The following GPHN variants were observed in gnomAD, a reference collection of about 807,000 sequenced individuals.
GPHN encodes the protein gephyrin.
In GPHN, 17 loss-of-function variants were observed where a neutral mutation model predicts 95.5. That is an observed-to-expected ratio of 0.18 (90% CI 0.12 to 0.27). The LOEUF (loss-of-function observed/expected upper bound fraction) is 0.27, where lower values mean the gene tolerates loss of function less well. Ranked by LOEUF, GPHN falls within the 10% of genes least tolerant of loss-of-function variation. The pLI is 1.00. For missense variants in GPHN, 660 were observed against 978.1 expected (o/e 0.67, Z 4.34); for synonymous variants, 320 against 322.5 (o/e 0.99, Z 0.08).
At chr14:66,820,938 A>C (rs1228199932) in intron 3 of GPHN, among the ~76,000 whole-genome samples, 1 of 152,206 alleles carries the variant, frequency 6.6e-6, no homozygotes, top group Non-Finnish European at 1.5e-5. Context: ...CTAGAAATGC[A>C]AGGCAATAAT....
At chr14:66,863,488 C>A (rs956772705) in intron 4 of GPHN, among the ~76,000 whole-genome samples, 1 of 151,868 alleles carries the variant, frequency 6.6e-6, no homozygotes, top group Non-Finnish European at 1.5e-5. Context: ...TATCAGGAAC[C>A]GCAAAAGACC....
the GPHN span, among the ~76,000 whole-genome samples, chr14:67,552,966 G>C: frequency 1.3e-5 from 2 of 152,142 alleles, no homozygotes; most frequent in Non-Finnish European, 2.9e-5. Flanking sequence ...GGGAAAAAAT[G>C]CTCGCTGTGT....
intron 10 of GPHN, among the ~76,000 whole-genome samples, chr14:67,032,755 C>G (rs1292487376): frequency 6.6e-6 from 1 of 152,116 alleles, no homozygotes; most frequent in Non-Finnish European, 1.5e-5. Context: ...CTCAGAATTT[C>G]TAGCCAGGTT....
intron 1 of GPHN, among the ~76,000 whole-genome samples, chr14:66,572,076 G>C (rs370820691): frequency 6.6e-6 from 1 of 152,156 alleles, no homozygotes; most frequent in Non-Finnish European, 1.5e-5. Context: ...AAAATCGGTT[G>C]ACTTATTTCT....
chr14:67,353,278 G>C, the GPHN span, among the ~76,000 whole-genome samples: 1 of 152,202 alleles, frequency 6.6e-6, no homozygotes, highest in Non-Finnish European at 1.5e-5. Flanking sequence ...ATCAAGAGAT[G>C]ACTGGGTCAT....
chr14:67,283,095 T>C, the GPHN span, among the ~76,000 whole-genome samples: 2 of 152,112 alleles, frequency 1.3e-5, no homozygotes, highest in Admixed American at 1.3e-4. Flanking sequence ...TAGTGGTTAA[T>C]AAAAAGACTC....
chr14:67,493,749 C>G, the GPHN span, among the ~76,000 whole-genome samples: 2 of 152,078 alleles, frequency 1.3e-5, no homozygotes, highest in Non-Finnish European at 2.9e-5. Context: ...TCCTGAGATT[C>G]TTGTTGGAAT....
intron 10 of GPHN, among the ~76,000 whole-genome samples, chr14:67,029,150 C>T (rs532287194): frequency 1.3e-5 from 2 of 152,152 alleles, no homozygotes; most frequent in Non-Finnish European, 2.9e-5. Flanking sequence ...TTCCTGATGC[C>T]TTTGTCAAAA....
chr14:66,685,696 T>C (rs1388922852), intron 2 of GPHN, among the ~76,000 whole-genome samples: 2 of 152,148 alleles, frequency 1.3e-5, no homozygotes, highest in African/African-American at 2.4e-5. Context: ...ATTCTGTAGG[T>C]TGCCTGTTCA....
chr14:66,573,648 G>C (rs570521308), intron 1 of GPHN, among the ~76,000 whole-genome samples: 1 of 151,866 alleles, frequency 6.6e-6, no homozygotes, highest in Non-Finnish European at 1.5e-5. Flanking sequence ...GTAGAGACGG[G>C]GTTTCACCAT....
chr14:67,620,160 G>A, the GPHN span: 4 of 1,155,668 alleles, frequency 3.5e-6, no homozygotes, highest in Non-Finnish European at 4.9e-6. Flanking sequence ...CGGCGGTAGG[G>A]TGCGGGGGAC....
the GPHN span, among the ~76,000 whole-genome samples, chr14:67,476,500 T>C: frequency 3.3e-5 from 5 of 151,654 alleles, no homozygotes; most frequent in African/African-American, 9.7e-5. Flanking sequence ...GGCAGAAAAA[T>C]TGCTTGAACC....
At chr14:66,756,867 A>G (rs2058575634) in intron 2 of GPHN, among the ~76,000 whole-genome samples, 3 of 152,364 alleles carry the variant, frequency 2.0e-5, no homozygotes, top group Non-Finnish European at 4.4e-5. Context: ...TGAATCATGT[A>G]AAACAGAACA....
the GPHN span, among the ~76,000 whole-genome samples, chr14:67,639,893 C>G: frequency 7.0e-6 from 1 of 142,924 alleles, no homozygotes; most frequent in Non-Finnish European, 1.5e-5. Flanking sequence ...CCACTGCACT[C>G]CAGCCTGCAT....
At chr14:67,323,615 A>AATATATATATATAT in the GPHN span, 12 of 260,322 alleles carry the variant, frequency 4.6e-5, no homozygotes, top group Middle Eastern at 1.4e-3. Flanking sequence ...CCCTTAATCT[A>AATATATATATATAT]ATATATATAT....
the GPHN span, chr14:67,348,997 C>T: frequency 6.3e-7 from 1 of 1,585,638 alleles, no homozygotes; most frequent in South Asian, 1.1e-5. Flanking sequence ...AATGTCACCT[C>T]TTTTCTCCCC....
chr14:67,639,924 C>CAAAAA, the GPHN span, among the ~76,000 whole-genome samples: 6 of 61,830 alleles, frequency 9.7e-5, no homozygotes, highest in East Asian at 4.2e-4. Context: ...GACCCTGTCT[C>CAAAAA]AAAAAAAAAA....
chr14:66,719,353 T>C (rs1237641153), intron 2 of GPHN, among the ~76,000 whole-genome samples: 1 of 152,182 alleles, frequency 6.6e-6, no homozygotes, highest in African/African-American at 2.4e-5. Flanking sequence ...GCTGTCTAAA[T>C]TGACTCAGCT....
At chr14:66,792,668 A>G (rs977330824) in intron 3 of GPHN, among the ~76,000 whole-genome samples, 1 of 152,228 alleles carries the variant, frequency 6.6e-6, no homozygotes, top group Non-Finnish European at 1.5e-5. Flanking sequence ...ACACACAAAA[A>G]CAAGGAGCAC....
Sources: gnomAD v4.1 joint callset for allele counts (sites outside exome capture counted in the v4.1 genomes callset) on GRCh38, gnomAD v4.1.1 for gene constraint, MANE v1.5 for transcripts, NCBI Gene and HGNC (gene_info 2026-07-23, HGNC 2026-07-21) for gene names.